Variants in KIAA0408 observed in about 807,000 individuals in gnomAD.
KIAA0408 encodes the protein KIAA0408.
KIAA0408 carries 51 observed loss-of-function variants against 60.9 expected under a neutral mutation model. That is an observed-to-expected ratio of 0.84 (90% CI 0.67 to 1.06). The LOEUF (loss-of-function observed/expected upper bound fraction) is 1.06, where lower values mean the gene tolerates loss of function less well. Among genes scored for constraint, KIAA0408 ranks in the 50% least tolerant of loss-of-function variants. KIAA0408 has a pLI of 0.00. For missense variants in KIAA0408, 787 were observed against 833.9 expected, an observed-to-expected ratio of 0.94 and a Z score of 0.69; for synonymous variants, 304 against 282.4, an observed-to-expected ratio of 1.08 and a Z score of -0.77.
chr6:127,446,339 C>T lies in KIAA0408; in HGVS notation c.1911+69G>A, dbSNP rs942915332. On this transcript the variant is annotated intron_variant, in intron 5 of 5. Coordinates refer to ENST00000483725, the MANE Select transcript of KIAA0408 (RefSeq NM_014702.5). The stretch of plus-strand genomic sequence containing the variant: ...CCTCATTCTATTTATATGAATTGGA[C>T]ATATAAACATGATTCAGAGCCATTG... 18 of 1,537,232 alleles carry T rather than the reference C, an allele frequency of 1.2e-5. No individual in the cohort carries two copies. The Admixed American group carries it at 1.7e-4, about 15-fold the overall frequency.
In KIAA0408 at chr6:127,439,849, T is replaced by C. The variant is rs1209009372; in HGVS notation, c.*4260A>G. 1 of 152,210 alleles carries C rather than the reference T, an allele frequency of 6.6e-6. No homozygotes were observed. Among genetic ancestry groups the C allele is most frequent in the Non-Finnish European group, 1.5e-5 (1 of 68,034 alleles). The allele number at this position is 152,210 out of a possible 1,614,324, so 9.4% of individuals were successfully genotyped here. A position where few individuals can be genotyped will look rare whatever the true frequency, so the allele number is the denominator to read the frequency against. On this transcript the variant is annotated 3_prime_UTR_variant, in exon 6 of 6. Coordinates refer to ENST00000483725, the MANE Select transcript of KIAA0408 (RefSeq NM_014702.5). ...ATTTGCTTTGCAAACAATAAGGTCA[T>C]AGATGCACATGGGACATTTATACAG...
rs1773130481 is a variant in KIAA0408, at chr6:127,443,006, C to T, written c.*1103G>A. On this transcript the variant is annotated 3_prime_UTR_variant, in exon 6 of 6. Transcript: ENST00000483725. The stretch of plus-strand genomic sequence containing the variant: ...GTTTAAGCCTTTTTTCGGTAGCAAA[C>T]TGTGAGAAGTATAATTTCAGCTTTC... The T allele has an allele frequency of 6.6e-6, 1 of 152,006 alleles. No individual in the cohort carries two copies. The highest frequency in any genetic ancestry group is 1.5e-5 in the Non-Finnish European group (1 of 67,992). 9.4% of individuals were successfully genotyped at this position (152,006 alleles called of 1,614,324 possible).
chr6:127,455,415 A>C (rs1773375207), intron 1 of KIAA0408, among the ~76,000 whole-genome samples: 1 of 152,158 alleles, frequency 6.6e-6, no homozygotes. Flanking sequence ...TCAAATCCTA[A>C]ATATCAGCTA....
chr6:127,444,327 C>G, intron 5 of KIAA0408, 45 bp from the exon 6 acceptor site: 2 of 1,470,140 alleles, frequency 1.4e-6, no homozygotes, highest in African/African-American at 1.4e-5. Context: ...TGGGTACCAA[C>G]AATAGGCTTA....
chr6:127,452,191 C>T (rs1273117205), intron 2 of KIAA0408, among the ~76,000 whole-genome samples: 4 of 152,170 alleles, frequency 2.6e-5, no homozygotes, highest in Admixed American at 2.0e-4. Context: ...TGGGAATCTA[C>T]AGTTCTCTAG....
intron 4 of KIAA0408, among the ~76,000 whole-genome samples, chr6:127,448,631 T>C (rs1178513008): frequency 6.6e-6 from 1 of 152,170 alleles, no homozygotes; most frequent in Non-Finnish European, 1.5e-5. Context: ...TTTATACCTC[T>C]TCAAATTATA....
Position 127,444,106 on chromosome 6 carries a change from G to T in KIAA0408, c.*3C>A, listed in dbSNP as rs1773147308. On this transcript the variant is annotated 3_prime_UTR_variant, in exon 6 of 6. Transcript: ENST00000483725. ...CTGTAATATAGCAATCCAGGCCAAAGACTTAAACCATCAATGCTTCGGATC... is the reference window on the plus strand; with the variant it reads ...CTGTAATATAGCAATCCAGGCCAAATACTTAAACCATCAATGCTTCGGATC... The T allele has an allele frequency of 6.2e-7, 1 of 1,613,716 alleles. No individual in the cohort carries two copies. The highest frequency in any genetic ancestry group is 8.5e-7 in the Non-Finnish European group (1 of 1,179,806).
chr6:127,447,166 G>C lies in KIAA0408; in HGVS notation c.1153C>G (p.Pro385Ala). 4 of 1,613,044 alleles carry C rather than the reference G, an allele frequency of 2.5e-6. No homozygotes were observed. The highest frequency in any genetic ancestry group is 2.5e-6 in the Non-Finnish European group (3 of 1,179,680). Residue 385 changes from proline to alanine, a missense_variant, in exon 5 of 6, where the codon CCC becomes GCC. Pro to Ala is a conservative substitution (Grantham distance 27, BLOSUM62 -1). This residue lies in a region of KIAA0408 where 640 missense variants were observed against 681.3 expected (regional missense o/e 0.94). Coordinates refer to ENST00000483725, the MANE Select transcript of KIAA0408 (RefSeq NM_014702.5). ...TSWFQKTCST[P>A]SNPKYEMVIP... ...ACCATTTCATATTTTGGATTACTGG[G>C]GGTAGAGCAGGTTTTCTGAAACCAC...
In KIAA0408 at chr6:127,446,776, T is replaced by C. The variant is rs751289424; in HGVS notation, c.1543A>G (p.Lys515Glu). ...TGTCTTACTAGGCCTGTTGTGGATT[T>C]CTTGGTGGGATTATCAGGCACATTT... ...MENVPDNPTK[K>E]STTGLVRQMQ... The change falls in exon 5 of 6, where the codon AAA becomes GAA. Residue 515 changes from lysine (K) to glutamate (E), a missense_variant. This residue lies in a region of KIAA0408 where 640 missense variants were observed against 681.3 expected (regional missense o/e 0.94). Coordinates refer to ENST00000483725, the MANE Select transcript of KIAA0408 (RefSeq NM_014702.5). 1 of 1,614,056 alleles carries C rather than the reference T, an allele frequency of 6.2e-7. No individual in the cohort carries two copies. Among genetic ancestry groups the C allele is most frequent in the Admixed American group, 1.7e-5 (1 of 59,988 alleles).
intron 5 of KIAA0408, among the ~76,000 whole-genome samples, chr6:127,444,950 G>GA (rs3215599): frequency 2.0e-5 from 3 of 150,830 alleles, no homozygotes; most frequent in Non-Finnish European, 4.4e-5. Flanking sequence ...TATTTTAATG[G>GA]AAAAAAAGCA....
In KIAA0408 at chr6:127,459,285, C is replaced by T. The variant is rs1271742019; in HGVS notation, c.-231G>A. 1 of 152,192 alleles carries T rather than the reference C, an allele frequency of 6.6e-6. No individual in the cohort carries two copies. The highest frequency in any genetic ancestry group is 6.5e-5 in the Admixed American group (1 of 15,274). 9.4% of individuals were successfully genotyped at this position (152,192 alleles called of 1,614,324 possible). A position where few individuals can be genotyped will look rare whatever the true frequency, so the allele number is the denominator to read the frequency against. Reference sequence around the variant, plus strand: ...AGAAAAGTCTCAGCTCGGTGAATCTCGATTCTTTACAAGAAAAGGGGATGC... The same window carrying T: ...AGAAAAGTCTCAGCTCGGTGAATCTTGATTCTTTACAAGAAAAGGGGATGC... On this transcript the variant is annotated 5_prime_UTR_variant, in exon 1 of 6. Coordinates refer to ENST00000483725, the MANE Select transcript of KIAA0408 (RefSeq NM_014702.5).
At chr6:127,448,121 T>C (rs1049847628) in intron 4 of KIAA0408, among the ~76,000 whole-genome samples, 1 of 152,206 alleles carries the variant, frequency 6.6e-6, no homozygotes, top group African/African-American at 2.4e-5. Context: ...CCTGCTGAAT[T>C]CTTATTCATT....
Position 127,446,720 on chromosome 6 carries a change from A to G in KIAA0408, c.1599T>C (p.Tyr533=), listed in dbSNP as rs188314558. 3 of 1,613,856 alleles carry G rather than the reference A, an allele frequency of 1.9e-6. No individual in the cohort carries two copies. The highest frequency in any genetic ancestry group is 2.2e-5 in the East Asian group (1 of 44,876). Residue 533 remains tyrosine (Y), a synonymous_variant, in exon 5 of 6, where the codon TAT becomes TAC. Coordinates refer to ENST00000483725, the MANE Select transcript of KIAA0408 (RefSeq NM_014702.5). The stretch of plus-strand genomic sequence containing the variant: ...AGTCATGCTCGTGGAGCATATTTCG[A>G]TAACTGCGAGGACTTAGGTGTCCCT... The part of the protein sequence containing the change: ...QMQGHLSPRS[Y]RNMLHEHDWR...
chr6:127,444,354 A>G, intron 5 of KIAA0408, 72 bp from the exon 6 acceptor site: 5 of 1,187,456 alleles, frequency 4.2e-6, no homozygotes, highest in Non-Finnish European at 5.8e-6. Context: ...GATGGGTCTC[A>G]ACTATAAGAT....
Position 127,443,069 on chromosome 6 carries a change from A to G in KIAA0408, c.*1040T>C, listed in dbSNP as rs1259848983. ...TTCCTGATCTTCCTTGTTAGTAAAA[A>G]AGTAACTTAGTTTGTTATCTATTAA... On this transcript the variant is annotated 3_prime_UTR_variant, in exon 6 of 6. Coordinates refer to ENST00000483725, the MANE Select transcript of KIAA0408 (RefSeq NM_014702.5). The G allele has an allele frequency of 1.3e-5, 2 of 152,178 alleles. No individual in the cohort carries two copies. Among genetic ancestry groups the G allele is most frequent in the African/African-American group, 4.8e-5 (2 of 41,452 alleles). The allele number at this position is 152,178 out of a possible 1,614,324, so 9.4% of individuals were successfully genotyped here.
In KIAA0408 at chr6:127,444,046, C is replaced by T. The variant is rs1773145986; in HGVS notation, c.*63G>A. ...GAGAACAGGTCCGCCTGTAAACACT[C>T]AGAATGCTCTGTTTGACAAGTGGGA... On this transcript the variant is annotated 3_prime_UTR_variant, in exon 6 of 6. Coordinates refer to ENST00000483725, the MANE Select transcript of KIAA0408 (RefSeq NM_014702.5). The T allele has an allele frequency of 2.6e-6, 4 of 1,515,182 alleles. No individual in the cohort carries two copies. The African/African-American group carries it at 4.1e-5, about 16-fold the overall frequency. 93.9% of individuals were successfully genotyped at this position (1,515,182 alleles called of 1,614,324 possible).
rs1168596080 is a variant in KIAA0408, at chr6:127,439,462, T to G, written c.*4647A>C. ...TTTTGTTAAAGCCTTGTTCACAACT[T>G]CTTGAATTTCATAAAACCATTTAAG... On this transcript the variant is annotated 3_prime_UTR_variant, in exon 6 of 6. Transcript: ENST00000483725. 6.6e-6 allele frequency: 1 copy of G among 152,206 alleles called. No homozygotes were observed. Among genetic ancestry groups the G allele is most frequent in the Admixed American group, 6.5e-5 (1 of 15,288 alleles). 9.4% of individuals were successfully genotyped at this position (152,206 alleles called of 1,614,324 possible). A position where few individuals can be genotyped will look rare whatever the true frequency, so the allele number is the denominator to read the frequency against.
chr6:127,453,746 C>A, intron 2 of KIAA0408, 101 bp downstream of exon 2: 2 of 1,462,410 alleles, frequency 1.4e-6, no homozygotes, highest in Non-Finnish European at 1.8e-6. Context: ...CCTCTTAGGT[C>A]GAATAAGGAA....
At chr6:127,448,263 A>T (rs968836548) in intron 4 of KIAA0408, among the ~76,000 whole-genome samples, 5 of 152,204 alleles carry the variant, frequency 3.3e-5, no homozygotes, top group African/African-American at 1.2e-4. Context: ...CTTGAAAAAA[A>T]GTAAAAATTT....
Sources: allele counts gnomAD v4.1 joint callset (sites outside exome capture counted in the v4.1 genomes callset), GRCh38; gene constraint gnomAD v4.1.1; regional missense constraint gnomAD v4.1.1; transcripts MANE v1.5; gene names NCBI Gene and HGNC (gene_info 2026-07-23, HGNC 2026-07-21).